The following FHOD3 variants were observed in gnomAD, a reference collection of about 807,000 sequenced individuals.
FHOD3 encodes FH1/FH2 domain-containing protein 3.
In FHOD3, 90 loss-of-function variants were observed where a neutral mutation model predicts 173.0. The ratio of observed to expected loss-of-function variants is 0.52; its 90% CI spans 0.44 to 0.62. The LOEUF (loss-of-function observed/expected upper bound fraction) is 0.62. Ranked by LOEUF, FHOD3 falls within the 20% of genes least tolerant of loss-of-function variation. The pLI, the probability that FHOD3 is intolerant of heterozygous loss-of-function variation, is 0.00. For synonymous variants in FHOD3, 828 were observed against 823.0 expected (o/e 1.01, Z -0.10); for missense variants, 1,945 against 2,034.7 (o/e 0.96, Z 0.85).
At chr18:36,396,936 A>G (rs2048580832) in intron 3 of FHOD3, among the ~76,000 whole-genome samples, 1 of 152,036 alleles carries the variant, frequency 6.6e-6, no homozygotes, top group South Asian at 2.1e-4. Context: ...AACATGACTG[A>G]TTGCATTCTG....
chr18:36,625,925 GGGTGGCCCCT>G (rs2034071760), intron 10 of FHOD3, among the ~76,000 whole-genome samples, 176 bp downstream of exon 10: 1 of 151,062 alleles, frequency 6.6e-6, no homozygotes, highest in Admixed American at 6.6e-5. Flanking sequence ...TTCCCACACA[GGGTGGCCCCT>G]GGCGACTTTT....
At chr18:36,444,246 A>G (rs990616106) in intron 3 of FHOD3, among the ~76,000 whole-genome samples, 4 of 150,698 alleles carry the variant, frequency 2.7e-5, no homozygotes, top group African/African-American at 9.8e-5. Flanking sequence ...TGAGCCTTCC[A>G]GTATCTAGCC....
At chr18:36,496,474 A>T (rs1458787959) in intron 3 of FHOD3, among the ~76,000 whole-genome samples, 1 of 152,240 alleles carries the variant, frequency 6.6e-6, no homozygotes, top group Admixed American at 6.5e-5. Flanking sequence ...GTATGTTACG[A>T]ATCAACAGAA....
At chr18:36,753,500 T>C (rs1207820713) in intron 24 of FHOD3, among the ~76,000 whole-genome samples, 3 of 152,242 alleles carry the variant, frequency 2.0e-5, no homozygotes, top group Non-Finnish European at 4.4e-5. Context: ...TTTCAGCTAT[T>C]GTGAATAATG....
At chr18:36,553,213 C>T (rs1341584650) in intron 5 of FHOD3, among the ~76,000 whole-genome samples, 2 of 152,190 alleles carry the variant, frequency 1.3e-5, no homozygotes, top group East Asian at 1.9e-4. Flanking sequence ...CTGCTGGATT[C>T]GATTTGCCAG....
intron 6 of FHOD3, among the ~76,000 whole-genome samples, chr18:36,592,992 AAGAG>A (rs1010517604): frequency 4.6e-5 from 7 of 152,280 alleles, no homozygotes; most frequent in African/African-American, 1.7e-4. Context: ...AGAGTGTGGA[AAGAG>A]AGAGGAGGAG....
intron 16 of FHOD3, among the ~76,000 whole-genome samples, chr18:36,692,594 CTA>C (rs74828028): frequency 0.056 from 8,469 of 152,258 alleles, 302 homozygotes; most frequent in East Asian, 0.13. Context: ...TGAATAAACT[CTA>C]TGTGACGTCA....
intron 5 of FHOD3, among the ~76,000 whole-genome samples, chr18:36,558,126 C>A (rs1456163354): frequency 6.6e-6 from 1 of 152,126 alleles, no homozygotes; most frequent in Non-Finnish European, 1.5e-5. Flanking sequence ...GTTGACTACC[C>A]AGAAGGAACC....
At chr18:36,694,535 A>G (rs953951020) in intron 17 of FHOD3, among the ~76,000 whole-genome samples, 1 of 152,244 alleles carries the variant, frequency 6.6e-6, no homozygotes, top group Non-Finnish European at 1.5e-5. Context: ...TCTGAAAGTC[A>G]AGAAAAGAGA....
intron 3 of FHOD3, among the ~76,000 whole-genome samples, chr18:36,501,424 A>C (rs921039958): frequency 6.6e-6 from 1 of 152,182 alleles, no homozygotes; most frequent in African/African-American, 2.4e-5. Context: ...ACACCCCAGG[A>C]ACAGGAGATG....
intron 7 of FHOD3, among the ~76,000 whole-genome samples, chr18:36,595,610 C>G (rs928252968): frequency 9.9e-5 from 15 of 152,124 alleles, no homozygotes; most frequent in Admixed American, 5.9e-4. Context: ...GTTGCCTGCT[C>G]AAGGATGGGG....
intron 3 of FHOD3, among the ~76,000 whole-genome samples, chr18:36,420,010 A>G (rs912969642): frequency 2.0e-5 from 3 of 152,314 alleles, no homozygotes; most frequent in Admixed American, 2.0e-4. Context: ...ATGCCTCCCA[A>G]CCGGCTACCC....
At chr18:36,674,722 C>T (rs540622579) in intron 14 of FHOD3, among the ~76,000 whole-genome samples, 3 of 152,250 alleles carry the variant, frequency 2.0e-5, no homozygotes, top group South Asian at 2.1e-4. Context: ...ATACAAATAA[C>T]GCTAACTGAG....
intron 3 of FHOD3, among the ~76,000 whole-genome samples, chr18:36,399,458 T>G (rs931925137): frequency 6.6e-6 from 1 of 152,208 alleles, no homozygotes. Context: ...ATGTGTCTTT[T>G]GTTTTGCAAT....
In FHOD3 at chr18:36,649,366, A is replaced by AAG; in HGVS notation, c.1256_1257dup (p.Asp420ArgfsTer88). The AAG allele has an allele frequency of 2.0e-6, 3 of 1,535,830 alleles. No individual in the cohort carries two copies. The highest frequency in any genetic ancestry group is 2.6e-6 in the Non-Finnish European group (3 of 1,146,722). ...CCAATCACGGAGCCCAGTTCCGAAG[A>AAG]AGAGAGAGAGGATGATGCTTCCTGT... On this transcript the variant is annotated frameshift_variant, in exon 11 of 29. Coordinates refer to ENST00000590592, the MANE Select transcript of FHOD3 (RefSeq NM_001281740.3). LOFTEE classifies it high-confidence loss of function.
intron 1 of FHOD3, among the ~76,000 whole-genome samples, chr18:36,330,825 G>C (rs1195752176): frequency 2.0e-5 from 3 of 151,102 alleles, no homozygotes; most frequent in African/African-American, 7.4e-5. Flanking sequence ...ATCAGAGCTG[G>C]AATCTTTTTC....
At chr18:36,461,071 C>A (rs1007871803) in intron 3 of FHOD3, among the ~76,000 whole-genome samples, 1 of 152,124 alleles carries the variant, frequency 6.6e-6, no homozygotes, top group African/African-American at 2.4e-5. Context: ...GAATAGCTCA[C>A]GGCAGGGGAT....
intron 24 of FHOD3, among the ~76,000 whole-genome samples, chr18:36,749,316 T>C (rs1600545422): frequency 1.3e-5 from 2 of 152,232 alleles, no homozygotes. Flanking sequence ...TTATCTTTTC[T>C]GCTCCTCTCC....
At chr18:36,623,428 C>T (rs923612623) in intron 9 of FHOD3, among the ~76,000 whole-genome samples, 1 of 152,154 alleles carries the variant, frequency 6.6e-6, no homozygotes. Context: ...TGGCTAGAAA[C>T]ACTTAAAAAT....
Sources: gnomAD v4.1 joint callset for allele counts (sites outside exome capture counted in the v4.1 genomes callset) on GRCh38, gnomAD v4.1.1 for gene constraint, MANE v1.5 for transcripts, NCBI Gene and HGNC (gene_info 2026-07-23, HGNC 2026-07-21) for gene names.